DCPH1: variants seen among roughly 807,000 people sequenced by gnomAD.
DCPH1 encodes the protein damage-control phosphatase 1.
At chr6:151,467,795 T>A in the DCPH1 span, among the ~76,000 whole-genome samples, 1 of 152,204 alleles carries the variant, frequency 6.6e-6, no homozygotes, top group African/African-American at 2.4e-5. Flanking sequence ...ACAATGGGTC[T>A]TTAGTTAACA....
the DCPH1 span, chr6:151,469,096 G>A: frequency 2.7e-5 from 44 of 1,609,738 alleles, no homozygotes; most frequent in African/African-American, 2.9e-4. Context: ...ATTTCAGTAC[G>A]ATGGTCCCCT....
the DCPH1 span, among the ~76,000 whole-genome samples, chr6:151,457,222 A>G: frequency 1.3e-5 from 2 of 152,216 alleles, no homozygotes; most frequent in African/African-American, 2.4e-5. Flanking sequence ...GGTTTGGCAG[A>G]TGTGTGTCTC....
the DCPH1 span, chr6:151,458,672 A>G: frequency 9.8e-7 from 1 of 1,023,854 alleles, no homozygotes; most frequent in Non-Finnish European, 1.4e-6. Flanking sequence ...TGGAAGCTTG[A>G]ATTTGGTTGA....
the DCPH1 span, among the ~76,000 whole-genome samples, chr6:151,460,010 A>G: frequency 6.6e-6 from 1 of 152,174 alleles, no homozygotes; most frequent in Non-Finnish European, 1.5e-5. Flanking sequence ...GAACTTTAAA[A>G]TCTGTTCATT....
the DCPH1 span, chr6:151,464,561 A>C: frequency 1.9e-6 from 3 of 1,611,956 alleles, no homozygotes; most frequent in Non-Finnish European, 2.5e-6. Flanking sequence ...AATTGATAAG[A>C]ACTATTGAAG....
chr6:151,464,492 A>G, the DCPH1 span: 8 of 1,609,872 alleles, frequency 5.0e-6, no homozygotes, highest in Admixed American at 3.4e-5. Context: ...AAGAATCAAA[A>G]GAGCAAAATT....
the DCPH1 span, among the ~76,000 whole-genome samples, chr6:151,460,788 A>T: frequency 6.6e-6 from 1 of 151,972 alleles, no homozygotes; most frequent in Non-Finnish European, 1.5e-5. Context: ...TGTCTCAAAA[A>T]AAAAACAAAA....
At chr6:151,458,222 T>A in the DCPH1 span, 1 of 1,389,934 alleles carries the variant, frequency 7.2e-7, no homozygotes, top group Non-Finnish European at 9.7e-7. Context: ...TAAAATGTAG[T>A]TTTGAACATT....
chr6:151,467,213 C>T, the DCPH1 span, among the ~76,000 whole-genome samples: 5 of 151,004 alleles, frequency 3.3e-5, no homozygotes, highest in African/African-American at 4.9e-5. Context: ...ATCGCACCAC[C>T]GCACTCCAGC....
At chr6:151,465,988 A>G in the DCPH1 span, among the ~76,000 whole-genome samples, 9 of 152,200 alleles carry the variant, frequency 5.9e-5, no homozygotes, top group African/African-American at 2.2e-4. Context: ...GCACGATCTC[A>G]GCTCACTGCA....
the DCPH1 span, among the ~76,000 whole-genome samples, chr6:151,456,045 G>T: frequency 6.6e-6 from 1 of 152,168 alleles, no homozygotes; most frequent in African/African-American, 2.4e-5. Context: ...CAGAGAGCAC[G>T]GGGTTGGGGG....
At chr6:151,461,131 G>C in the DCPH1 span, among the ~76,000 whole-genome samples, 1 of 152,240 alleles carries the variant, frequency 6.6e-6, no homozygotes, top group Non-Finnish European at 1.5e-5. Context: ...GAAATTCGGG[G>C]TGATGGTTTC....
the DCPH1 span, chr6:151,454,589 T>C: frequency 1.9e-6 from 3 of 1,578,496 alleles, no homozygotes; most frequent in African/African-American, 4.0e-5. Context: ...ATACCACAGA[T>C]CTTAACTAAG....
At chr6:151,452,609 C>A in the DCPH1 span, 1 of 1,598,266 alleles carries the variant, frequency 6.3e-7, no homozygotes, top group Non-Finnish European at 8.5e-7. Context: ...TTTCTCCTCC[C>A]CACTTTTGCG....
the DCPH1 span, among the ~76,000 whole-genome samples, chr6:151,465,842 G>A: frequency 1.3e-5 from 2 of 152,154 alleles, no homozygotes; most frequent in African/African-American, 2.4e-5. Flanking sequence ...ACCTGGAGAC[G>A]AAGCCCTGGT....
chr6:151,469,280 C>T, the DCPH1 span: 1 of 526,892 alleles, frequency 1.9e-6, no homozygotes. Context: ...GAACATTTTG[C>T]CCCACTACAC....
chr6:151,462,224 A>G, the DCPH1 span, among the ~76,000 whole-genome samples: 1 of 152,230 alleles, frequency 6.6e-6, no homozygotes. Flanking sequence ...AAAGTGTAAT[A>G]TACATATAGA....
At chr6:151,469,181 G>A in the DCPH1 span, 15 of 1,343,120 alleles carry the variant, frequency 1.1e-5, no homozygotes, top group African/African-American at 1.5e-4. Flanking sequence ...AAAGGAGCAC[G>A]TGAATTGAGT....
the DCPH1 span, chr6:151,452,650 G>T: frequency 1.3e-6 from 2 of 1,513,614 alleles, no homozygotes; most frequent in Non-Finnish European, 1.8e-6. Flanking sequence ...AGCCTGTGGG[G>T]ACTAAGCGGA....
Sources: gnomAD v4.1 joint callset for allele counts (sites outside exome capture counted in the v4.1 genomes callset) on GRCh38, gnomAD v4.1.1 for gene constraint, MANE v1.5 for transcripts, NCBI Gene and HGNC (gene_info 2026-07-23, HGNC 2026-07-21) for gene names.